The following CYB561 variants were observed in gnomAD, a reference collection of about 807,000 sequenced individuals.
CYB561 encodes transmembrane ascorbate-dependent reductase CYB561.
CYB561 carries 11 observed loss-of-function variants against 25.3 expected under a neutral mutation model. The observed-to-expected ratio is 0.44, with a 90% CI of 0.27 to 0.72. CYB561 has a LOEUF of 0.72. Among genes scored for constraint, CYB561 ranks in the 30% least tolerant of loss-of-function variants. The pLI is 0.18. For missense variants in CYB561, 295 were observed against 334.9 expected (o/e 0.88, Z 0.93); for synonymous variants, 165 against 158.8 (o/e 1.04, Z -0.29).
chr17:63,432,627 A>AC lies in CYB561; in HGVS notation c.*1774dup, dbSNP rs2049237854. On this transcript the variant is annotated 3_prime_UTR_variant, in exon 6 of 6. Transcript: ENST00000360793. ...GCCAGCTGATTGAAGAACTGACGGC[A>AC]CCCCTACCCCTGAAGAGTGTACAGT... 6.6e-6 allele frequency: 1 copy of AC among 152,208 alleles called. No homozygotes were observed. The highest frequency in any genetic ancestry group is 2.1e-4 in the South Asian group (1 of 4,818). The allele number at this position is 152,208 out of a possible 1,614,324, so 9.4% of individuals were successfully genotyped here. A position where few individuals can be genotyped will look rare whatever the true frequency, so the allele number is the denominator to read the frequency against.
At chr17:63,444,857 A>G (rs2049408365) in intron 1 of CYB561, among the ~76,000 whole-genome samples, 1 of 152,206 alleles carries the variant, frequency 6.6e-6, no homozygotes, top group African/African-American at 2.4e-5. Flanking sequence ...TCTGCCTGCC[A>G]AGGAAAAGTG....
rs910891313 is a variant in CYB561 at position 63,436,972 on chromosome 17, GCGCACGCA to G, written c.202+366_202+373del. 2.4e-4 allele frequency: 59 copies of G among 246,836 alleles called. No individual in the cohort carries two copies. The East Asian group carries it at 4.2e-3, about 17-fold the overall frequency. 15.3% of individuals were successfully genotyped at this position (246,836 alleles called of 1,614,324 possible). On this transcript the variant is annotated intron_variant, in intron 2 of 5. Transcript: ENST00000360793. The surrounding 1 kb of genome is among the most constrained non-coding windows in gnomAD (Gnocchi z 4.8). ...TCCAAGACCAACAACACACATGCGC[GCGCACGCA>G]CGCACGCATACAAACTCTCACATAT...
chr17:63,441,455 C>CCTGCA (rs1373197981), intron 1 of CYB561, among the ~76,000 whole-genome samples: 1 of 152,264 alleles, frequency 6.6e-6, no homozygotes, highest in Non-Finnish European at 1.5e-5. Flanking sequence ...CCCGCAGCCA[C>CCTGCA]CTGCACTTGG....
chr17:63,437,602 C>G lies in CYB561; in HGVS notation c.-13-42G>C, dbSNP rs768554288. The G allele has an allele frequency of 2.5e-5, 39 of 1,530,432 alleles. No individual in the cohort carries two copies. The Admixed American group carries it at 7.1e-4, about 28-fold the overall frequency. The allele number at this position is 1,530,432 out of a possible 1,614,324, so 94.8% of individuals were successfully genotyped here. On this transcript the variant is annotated intron_variant, in intron 1 of 5. Transcript: ENST00000360793. Reference sequence around the variant, plus strand: ...AGCTCAGAGGAGCAGCGCACAGCACCCCGAGATGCGCACAGCCCCCGCGGA... The same window carrying G: ...AGCTCAGAGGAGCAGCGCACAGCACGCCGAGATGCGCACAGCCCCCGCGGA...
chr17:63,437,450 G>A lies in CYB561; in HGVS notation c.98C>T (p.Ala33Val), dbSNP rs373051261. The A allele has an allele frequency of 3.7e-6, 6 of 1,613,796 alleles. No homozygotes were observed. The African/African-American group carries it at 4.0e-5, about 11-fold the overall frequency. The change falls in exon 2 of 6, where the codon GCG (alanine) becomes GTG (valine). Residue 33 changes from alanine (A) to valine (V), a missense_variant. Ala to Val is a moderately conservative substitution (Grantham distance 64). Coordinates refer to ENST00000360793, the MANE Select transcript of CYB561 (RefSeq NM_001915.4). ...GCCGCCTCGGTACAGCCCGAGCCACGCGCCGGTCATGGCCACCAAGGTCAG... is the reference window on the plus strand; with the variant it reads ...GCCGCCTCGGTACAGCCCGAGCCACACGCCGGTCATGGCCACCAAGGTCAG... ...LGLTLVAMTG[A>V]WLGLYRGGIA...
rs1568021508 is a variant in CYB561 at position 63,434,436 on chromosome 17, G to GTCTT, written c.718_721dup (p.Thr241LysfsTer8). ...GCCGGGGCTATCTCCCTCCGTCAGC[G>GTCTT]TCTTGAAGTCCATGGAGAGGGCCTG... On this transcript the variant is annotated frameshift_variant, in exon 6 of 6. Coordinates refer to ENST00000360793, the MANE Select transcript of CYB561 (RefSeq NM_001915.4). LOFTEE classifies it high-confidence loss of function. 1 of 1,593,384 alleles carries GTCTT rather than the reference G, an allele frequency of 6.3e-7. No individual in the cohort carries two copies. The highest frequency in any genetic ancestry group is 1.7e-5 in the Admixed American group (1 of 57,154).
At chr17:63,434,999 G>A (rs1448085292) in intron 5 of CYB561, 87 bp downstream of exon 5, 2 of 1,412,006 alleles carry the variant, frequency 1.4e-6, no homozygotes, top group Non-Finnish European at 1.9e-6. Context: ...AGGCGGCTCA[G>A]GAAGCCACAG....
In CYB561 at chr17:63,436,499, C is replaced by T; in HGVS notation, c.203-347G>A. The stretch of plus-strand genomic sequence containing the variant: ...CTGCCCTCGTCCCCACCTAAAGGAG[C>T]TGCCCGGCCCAGCAGACGCCCCCCT... On this transcript the variant is annotated intron_variant, in intron 2 of 5. Transcript: ENST00000360793. The surrounding 1 kb of genome is among the most constrained non-coding windows in gnomAD (Gnocchi z 4.8). The T allele has an allele frequency of 4.8e-6, 1 of 208,158 alleles. No homozygotes were observed. The highest frequency in any genetic ancestry group is 9.9e-5 in the South Asian group (1 of 10,088). The allele number at this position is 208,158 out of a possible 1,614,324, so 12.9% of individuals were successfully genotyped here.
intron 1 of CYB561, among the ~76,000 whole-genome samples, chr17:63,444,237 G>A (rs758444934): frequency 2.2e-4 from 33 of 152,228 alleles, no homozygotes; most frequent in Non-Finnish European, 4.4e-4. Context: ...GGCCCGTGAA[G>A]GCCAGAGGGC....
intron 1 of CYB561, among the ~76,000 whole-genome samples, chr17:63,443,049 C>T (rs1337756035): frequency 6.6e-6 from 1 of 152,194 alleles, no homozygotes; most frequent in Non-Finnish European, 1.5e-5. Flanking sequence ...AAGACTGTGA[C>T]TGCGGAAAGG....
intron 5 of CYB561, 116 bp from the exon 6 acceptor site, chr17:63,434,710 C>T (rs887535156): frequency 3.4e-6 from 3 of 885,616 alleles, no homozygotes; most frequent in Admixed American, 5.3e-5. Context: ...CCCTGCCTCC[C>T]TGCCCTGCCT....
At chr17:63,445,380 C>CTTTT (rs558247824) in intron 1 of CYB561, among the ~76,000 whole-genome samples, 32 of 128,530 alleles carry the variant, frequency 2.5e-4, no homozygotes, top group African/African-American at 8.9e-4. Flanking sequence ...GGTGGCAAAG[C>CTTTT]TTTTTTTTTT....
Position 63,435,185 on chromosome 17 carries a change from C to T in CYB561, c.464G>A (p.Arg155His), listed in dbSNP as rs149854354. ...AAAGAAGATGTGCTGTGGGCGGTAG[C>T]GGCTCCGCAGGGAGAATGAAGCTCC... is the stretch of plus-strand genomic sequence containing the variant. ...FPGASFSLRS[R>H]YRPQHIFFGA... The change falls in exon 5 of 6, where the codon CGC becomes CAC. Residue 155 changes from arginine (R) to histidine (H), a missense_variant. Physicochemically the swap from Arg to His is conservative, Grantham distance 29. Transcript: ENST00000360793. The T allele has an allele frequency of 8.1e-4, 1,300 of 1,614,038 alleles. 3 individuals are homozygous for T. Among genetic ancestry groups the T allele is most frequent in the Non-Finnish European group, 1.0e-3 (1,233 of 1,180,022 alleles).
At chr17:63,443,727 G>C (rs931255632) in intron 1 of CYB561, among the ~76,000 whole-genome samples, 2 of 152,102 alleles carry the variant, frequency 1.3e-5, no homozygotes, top group Non-Finnish European at 2.9e-5. Context: ...TCCTGGGCTC[G>C]AGGGATCCTC....
intron 1 of CYB561, chr17:63,437,968 CG>C (rs1351259725): frequency 1.4e-6 from 1 of 690,936 alleles, no homozygotes; most frequent in African/African-American, 2.0e-5. Flanking sequence ...CCTCCCACGG[CG>C]GCCCCGCCAC....
At chr17:63,438,142 T>C in intron 1 of CYB561, 1 of 1,533,156 alleles carries the variant, frequency 6.5e-7, no homozygotes, top group Non-Finnish European at 8.7e-7. Flanking sequence ...ACGCCAGGAG[T>C]TCCATATGCG....
In CYB561 at chr17:63,436,178, G is replaced by A. The variant is rs1333257955; in HGVS notation, c.203-26C>T. The A allele has an allele frequency of 6.2e-7, 1 of 1,611,428 alleles. No homozygotes were observed. The highest frequency in any genetic ancestry group is 8.5e-7 in the Non-Finnish European group (1 of 1,178,070). ...CTGTGGGAGGTGAGAGAGGGAACGTGAGTGCATCCGCCTGTGCGTGAGGCC... is the reference window on the plus strand; with the variant it reads ...CTGTGGGAGGTGAGAGAGGGAACGTAAGTGCATCCGCCTGTGCGTGAGGCC... On this transcript the variant is annotated intron_variant, in intron 2 of 5. Transcript: ENST00000360793. The surrounding 1 kb of genome is among the most constrained non-coding windows in gnomAD (Gnocchi z 4.8).
chr17:63,437,227 T>G, intron 2 of CYB561, 119 bp downstream of exon 2: 1 of 805,366 alleles, frequency 1.2e-6, no homozygotes, highest in Non-Finnish European at 2.0e-6. Context: ...GTCTCTGTCT[T>G]TTCTAGAATC....
At position 63,436,245 on chromosome 17, in the gene CYB561, T is replaced by G. The variant is rs1416386455; in HGVS notation, c.203-93A>C. ...AGGAGGCACCTTGGTGGAGAGGTGA[T>G]GTGAGCTGACGGCTTGTAACAGGAG... is the stretch of plus-strand genomic sequence containing the variant. On this transcript the variant is annotated intron_variant, in intron 2 of 5. Coordinates refer to ENST00000360793, the MANE Select transcript of CYB561 (RefSeq NM_001915.4). The surrounding 1 kb of genome is among the most constrained non-coding windows in gnomAD (Gnocchi z 4.8). 3.9e-5 allele frequency: 58 copies of G among 1,474,542 alleles called. No individual in the cohort carries two copies. The highest frequency in any genetic ancestry group is 3.7e-5 in the Non-Finnish European group (40 of 1,081,086). 91.3% of individuals were successfully genotyped at this position (1,474,542 alleles called of 1,614,324 possible).
Sources: gnomAD v4.1 joint callset for allele counts (sites outside exome capture counted in the v4.1 genomes callset) on GRCh38, gnomAD v4.1.1 for gene constraint, Gnocchi (gnomAD v3.1) non-coding constraint, MANE v1.5 for transcripts, NCBI Gene and HGNC (gene_info 2026-07-23, HGNC 2026-07-21) for gene names.